The following CNTNAP2 variants were observed in gnomAD, a reference collection of about 807,000 sequenced individuals.
The protein encoded by CNTNAP2 is contactin associated protein 2.
A neutral mutation model predicts 155.2 loss-of-function variants in CNTNAP2; 98 were observed. That is an observed-to-expected ratio of 0.63 (90% CI 0.54 to 0.75). The LOEUF (loss-of-function observed/expected upper bound fraction) is 0.75, where lower values mean the gene tolerates loss of function less well. Ranked by LOEUF, CNTNAP2 falls within the 30% of genes least tolerant of loss-of-function variation. The pLI is 0.00. For missense variants in CNTNAP2, 1,727 were observed against 1,688.1 expected (o/e 1.02, Z -0.40); for synonymous variants, 651 against 631.2 (o/e 1.03, Z -0.47).
chr7:147,858,748 A>G (rs977867640), intron 13 of CNTNAP2, among the ~76,000 whole-genome samples: 1 of 152,126 alleles, frequency 6.6e-6, no homozygotes, highest in South Asian at 2.1e-4. Flanking sequence ...TCTAAAAGCT[A>G]CGTGTACAAG....
intron 18 of CNTNAP2, among the ~76,000 whole-genome samples, chr7:148,212,908 G>A (rs1795573090): frequency 6.6e-6 from 1 of 152,090 alleles, no homozygotes; most frequent in Non-Finnish European, 1.5e-5. Flanking sequence ...ATCCCTTCCT[G>A]CAAAACTGAC....
chr7:147,011,118 T>C (rs745510137), intron 3 of CNTNAP2, among the ~76,000 whole-genome samples: 5 of 151,798 alleles, frequency 3.3e-5, no homozygotes, highest in Non-Finnish European at 7.4e-5. Context: ...TGGCCTGTGA[T>C]ATAGAACTAT....
chr7:146,184,231 A>G (rs1181638063), intron 1 of CNTNAP2, among the ~76,000 whole-genome samples: 1 of 152,230 alleles, frequency 6.6e-6, no homozygotes, highest in Non-Finnish European at 1.5e-5. Context: ...ATGAGGTTAC[A>G]TGTTAAGTAT....
chr7:146,162,525 G>A (rs1798240381), intron 1 of CNTNAP2, among the ~76,000 whole-genome samples: 1 of 152,206 alleles, frequency 6.6e-6, no homozygotes, highest in Non-Finnish European at 1.5e-5. Context: ...TGTAGAGGAT[G>A]TGGAGAAATA....
intron 14 of CNTNAP2, among the ~76,000 whole-genome samples, chr7:147,975,173 A>G (rs1585056732): frequency 1.3e-5 from 2 of 152,014 alleles, no homozygotes; most frequent in South Asian, 4.1e-4. Context: ...ATCTAAATAA[A>G]TATTTAAAGT....
intron 15 of CNTNAP2, among the ~76,000 whole-genome samples, chr7:148,095,151 T>C (rs574635287): frequency 1.2e-4 from 18 of 152,206 alleles, no homozygotes; most frequent in African/African-American, 3.9e-4. Context: ...TGGACCAAGC[T>C]CAGTCCTGTT....
At chr7:147,222,353 A>G (rs1254598283) in intron 8 of CNTNAP2, among the ~76,000 whole-genome samples, 3 of 151,794 alleles carry the variant, frequency 2.0e-5, no homozygotes, top group Non-Finnish European at 2.9e-5. Flanking sequence ...TTCCTGGACC[A>G]TATTCAGTAT....
intron 1 of CNTNAP2, among the ~76,000 whole-genome samples, chr7:146,718,423 A>C (rs901870283): frequency 1.3e-5 from 2 of 152,126 alleles, no homozygotes; most frequent in African/African-American, 2.4e-5. Context: ...TTGGTGGGTA[A>C]CTGTGCATGG....
At chr7:147,507,660 C>A (rs12056145) in intron 11 of CNTNAP2, among the ~76,000 whole-genome samples, 11,401 of 146,660 alleles carry the variant, frequency 0.078, 732 homozygotes, top group East Asian at 0.31. Context: ...TCACACCATT[C>A]TCCTGCCTCA....
intron 1 of CNTNAP2, among the ~76,000 whole-genome samples, chr7:146,509,140 A>G (rs1797429899): frequency 6.6e-6 from 1 of 152,192 alleles, no homozygotes; most frequent in South Asian, 2.1e-4. Flanking sequence ...GATCAAACAT[A>G]GCCTGCTGCA....
chr7:148,326,805 C>T (rs943211621), intron 21 of CNTNAP2, among the ~76,000 whole-genome samples: 16 of 149,632 alleles, frequency 1.1e-4, no homozygotes, highest in African/African-American at 4.0e-4. Flanking sequence ...ATGGAGCTTG[C>T]AGTGAGCCGA....
At chr7:148,415,365 G>A in intron 23 of CNTNAP2, 52 bp from the exon 24 acceptor site, 3 of 1,594,428 alleles carry the variant, frequency 1.9e-6, no homozygotes, top group Non-Finnish European at 2.6e-6. Context: ...GACAGTGTTG[G>A]AGGGACTCCC....
chr7:147,612,573 G>C (rs1268593535), intron 12 of CNTNAP2, among the ~76,000 whole-genome samples: 1 of 151,692 alleles, frequency 6.6e-6, no homozygotes, highest in Non-Finnish European at 1.5e-5. Flanking sequence ...GCTAATTTTT[G>C]TATTTTTAGT....
intron 21 of CNTNAP2, among the ~76,000 whole-genome samples, chr7:148,379,937 T>G (rs1010773240): frequency 2.6e-5 from 4 of 152,212 alleles, no homozygotes; most frequent in Non-Finnish European, 4.4e-5. Flanking sequence ...CGGGAAAGCA[T>G]GCTAATGCAT....
In CNTNAP2 at chr7:147,911,801, T is replaced by C. The variant is rs574081641; in HGVS notation, c.2255+8080T>C. Among the ~76,000 whole-genome samples the C allele has an allele frequency of 3.3e-5, 5 of 152,312 alleles. No homozygotes were observed. In the East Asian group the frequency reaches 7.7e-4, roughly 24 times the overall value. ...ATCAGGATTTTCCCCCTTTTTAAGA[T>C]GGAATAATATTCCATTGTGTGGGTA... On this transcript the variant is annotated intron_variant, in intron 14 of 23. Coordinates refer to ENST00000361727, the MANE Select transcript of CNTNAP2 (RefSeq NM_014141.6).
rs115570838 is a variant in CNTNAP2, at chr7:147,456,823, T to C, written c.1671-29112T>C. Among the ~76,000 whole-genome samples, 539 of 152,276 alleles carry C rather than the reference T, an allele frequency of 3.5e-3. 10 individuals carry two copies. Among genetic ancestry groups the C allele is most frequent in the African/African-American group, 0.012 (512 of 41,556 alleles). On this transcript the variant is annotated intron_variant, in intron 10 of 23. Transcript: ENST00000361727. ...GAGACATTTAAAAGGATCAACCATA[T>C]TAATGGCTGGAATCAAACATTTGTA... is the stretch of plus-strand genomic sequence containing the variant.
chr7:147,222,490 C>T (rs1803423266), intron 8 of CNTNAP2, among the ~76,000 whole-genome samples: 1 of 152,130 alleles, frequency 6.6e-6, no homozygotes, highest in Non-Finnish European at 1.5e-5. Context: ...ATGCTGTCAC[C>T]TTTATCCATT....
At chr7:148,211,109 G>A (rs901245438) in intron 18 of CNTNAP2, among the ~76,000 whole-genome samples, 1 of 152,298 alleles carries the variant, frequency 6.6e-6, no homozygotes, top group East Asian at 1.9e-4. Flanking sequence ...TCTTTTACTA[G>A]GTGACTAATT....
chr7:147,543,329 G>T (rs112167441), intron 11 of CNTNAP2, among the ~76,000 whole-genome samples: 30,193 of 152,120 alleles, frequency 0.2, 3,208 homozygotes, highest in Admixed American at 0.29. Context: ...GGCGGGCTAA[G>T]TGTTCCTTGC....
Sources: allele counts gnomAD v4.1 joint callset (sites outside exome capture counted in the v4.1 genomes callset), GRCh38; gene constraint gnomAD v4.1.1; transcripts MANE v1.5; gene names NCBI Gene and HGNC (gene_info 2026-07-23, HGNC 2026-07-21).